CAMK2A: variants seen among roughly 807,000 people sequenced by gnomAD.
CAMK2A encodes the protein calcium/calmodulin dependent protein kinase II alpha.
A neutral mutation model predicts 79.2 loss-of-function variants in CAMK2A; 7 were observed. That is an observed-to-expected ratio of 0.09 (90% confidence interval 0.05 to 0.17). CAMK2A has a LOEUF of 0.17. Among genes scored for constraint, CAMK2A ranks in the 10% least tolerant of loss-of-function variants. CAMK2A has a pLI of 1.00. For missense variants in CAMK2A, 214 were observed against 646.4 expected (o/e 0.33, Z 7.25); for synonymous variants, 242 against 251.7 (o/e 0.96, Z 0.36).
At chr5:150,245,429 A>G in intron 12 of CAMK2A, 1 of 571,140 alleles carries the variant, frequency 1.8e-6, no homozygotes. Context: ...AGCAATCTCA[A>G]GCGTAACCCT....
chr5:150,228,272 G>A lies in CAMK2A; in HGVS notation c.1157C>T (p.Pro386Leu). The A allele has an allele frequency of 1.2e-6, 2 of 1,613,862 alleles. No individual in the cohort carries two copies. Among genetic ancestry groups the A allele is most frequent in the Non-Finnish European group, 1.7e-6 (2 of 1,179,866 alleles). The change falls in exon 17 of 19, where the codon CCT becomes CTT. Residue 386 changes from proline (P) to leucine (L), a missense_variant. Pro to Leu is a moderately conservative substitution (Grantham distance 98). Transcript: ENST00000671881. ...CTCAGGTTCGAAGGCTGTCATGCCAGGGTCGCACATCTTCCTGGGGGAAAG... is the reference window on the plus strand; with the variant it reads ...CTCAGGTTCGAAGGCTGTCATGCCAAGGTCGCACATCTTCCTGGGGGAAAG... ...DFESYTKMCD[P>L]GMTAFEPEAL...
chr5:150,255,458 G>A (rs1218702343), intron 6 of CAMK2A, among the ~76,000 whole-genome samples: 1 of 152,364 alleles, frequency 6.6e-6, no homozygotes, highest in Middle Eastern at 3.4e-3. Context: ...ATCACACTCC[G>A]GGAGGACCGT....
rs557163766 is a variant in CAMK2A, at chr5:150,238,826, G to A, written c.1018-78C>T. The A allele has an allele frequency of 1.7e-4, 222 of 1,271,376 alleles. 1 individual carries two copies. Among genetic ancestry groups the A allele is most frequent in the Non-Finnish European group, 1.7e-4 (157 of 928,440 alleles). 78.8% of individuals were successfully genotyped at this position (1,271,376 alleles called of 1,614,324 possible). ...CATGGCCAGGCCCTGGCTGCCTGGT[G>A]ACGCGGCTGGTTTCTGTGAGCCTCA... On this transcript the variant is annotated intron_variant, in intron 14 of 18. Transcript: ENST00000671881.
intron 15 of CAMK2A, among the ~76,000 whole-genome samples, chr5:150,236,904 G>A (rs955488545): frequency 6.6e-6 from 1 of 152,060 alleles, no homozygotes; most frequent in East Asian, 1.9e-4. Flanking sequence ...TAAGAGACAG[G>A]GTCTTGCTAT....
rs1050025195 is a variant in CAMK2A at position 150,287,021 on chromosome 5, G to GC, written c.62+2542dup. On this transcript the variant is annotated intron_variant, in intron 1 of 18. Transcript: ENST00000671881. ...AGCATAGCCTGCCTGGTGTCACAGA[G>GC]CTATGGGTGATGAGGGACAGCGCCT... Among the ~76,000 whole-genome samples the GC allele has an allele frequency of 3.1e-4, 47 of 152,342 alleles. 1 individual carries two copies. Among genetic ancestry groups the GC allele is most frequent in the African/African-American group, 1.1e-3 (47 of 41,590 alleles).
In CAMK2A at chr5:150,222,440, C is replaced by A; in HGVS notation, c.*270G>T. 1.4e-6 allele frequency: 1 copy of A among 694,136 alleles called. No individual in the cohort carries two copies. The highest frequency in any genetic ancestry group is 2.6e-6 in the Non-Finnish European group (1 of 380,438). 43.0% of individuals were successfully genotyped at this position (694,136 alleles called of 1,614,324 possible). A position where few individuals can be genotyped will look rare whatever the true frequency, so the allele number is the denominator to read the frequency against. On this transcript the variant is annotated 3_prime_UTR_variant, in exon 19 of 19. Transcript: ENST00000671881. ...AGCAGCTGAGGCTGGGGAGAGGGGG[C>A]CAGTGCTGTGGACACCCATGCCTGA...
At position 150,250,325 on chromosome 5, in the gene CAMK2A, G is replaced by A. The variant is rs1755776482; in HGVS notation, c.817-16C>T. 6.2e-7 allele frequency: 1 copy of A among 1,610,460 alleles called. No individual in the cohort carries two copies. The highest frequency in any genetic ancestry group is 1.7e-5 in the Admixed American group (1 of 60,002). The stretch of plus-strand genomic sequence containing the variant: ...TGGAGCGGTGCTGGAGGAAGTAGGG[G>A]AGAGGGCTGTGAGTGGAAGGCAGGC... On this transcript the variant is annotated splice_polypyrimidine_tract_variant and intron_variant, in intron 10 of 18. Coordinates refer to ENST00000671881, the MANE Select transcript of CAMK2A (RefSeq NM_015981.4).
intron 3 of CAMK2A, among the ~76,000 whole-genome samples, chr5:150,262,502 C>T (rs1362578068): frequency 2.0e-5 from 3 of 152,114 alleles, no homozygotes; most frequent in African/African-American, 7.2e-5. Flanking sequence ...TTTCCAGTCC[C>T]GCCTGCGCAT....
chr5:150,225,752 ATTATTT>A (rs753158608), intron 17 of CAMK2A, among the ~76,000 whole-genome samples: 1 of 141,152 alleles, frequency 7.1e-6, no homozygotes, highest in African/African-American at 2.5e-5. Flanking sequence ...TATTATTATT[ATTATTT>A]TTTTTAGATG....
At chr5:150,288,625 C>T (rs1293535148) in intron 1 of CAMK2A, among the ~76,000 whole-genome samples, 1 of 152,192 alleles carries the variant, frequency 6.6e-6, no homozygotes, top group Non-Finnish European at 1.5e-5. Flanking sequence ...CCTGCTGCCT[C>T]AGCAGAAACC....
intron 2 of CAMK2A, among the ~76,000 whole-genome samples, chr5:150,267,874 CTT>C (rs796333078): frequency 0.11 from 15,009 of 132,952 alleles, 766 homozygotes; most frequent in African/African-American, 0.15. Context: ...AGCCAAGGAG[CTT>C]TTTTTTTTTT....
intron 1 of CAMK2A, among the ~76,000 whole-genome samples, chr5:150,280,523 T>C (rs1757166725): frequency 6.6e-6 from 1 of 152,038 alleles, no homozygotes; most frequent in African/African-American, 2.4e-5. Flanking sequence ...ATGTCCGACA[T>C]CCGCCGCCTC....
At chr5:150,281,309 C>T (rs1562204077) in intron 1 of CAMK2A, among the ~76,000 whole-genome samples, 1 of 152,224 alleles carries the variant, frequency 6.6e-6, no homozygotes, top group Non-Finnish European at 1.5e-5. Context: ...AATCTGCATC[C>T]AAAACCCCTT....
chr5:150,263,377 CTCACACAGACAT>C (rs1318249875), intron 3 of CAMK2A, among the ~76,000 whole-genome samples: 1 of 151,304 alleles, frequency 6.6e-6, no homozygotes, highest in Non-Finnish European at 1.5e-5. Context: ...CATACATGCA[CTCACACAGACAT>C]TCACACACAC....
chr5:150,245,587 C>A (rs1436033505), intron 12 of CAMK2A, among the ~76,000 whole-genome samples: 1 of 152,220 alleles, frequency 6.6e-6, no homozygotes, highest in Admixed American at 6.5e-5. Context: ...GCTGGACACG[C>A]CCTCCCCACC....
chr5:150,231,179 GC>G, intron 16 of CAMK2A, 125 bp downstream of exon 16: 1 of 499,350 alleles, frequency 2.0e-6, no homozygotes, highest in Middle Eastern at 3.0e-4. Context: ...TATGAGTTCA[GC>G]CCGATTCACA....
intron 13 of CAMK2A, among the ~76,000 whole-genome samples, chr5:150,241,020 G>GC (rs1238723394): frequency 6.6e-6 from 1 of 152,228 alleles, no homozygotes; most frequent in Non-Finnish European, 1.5e-5. Flanking sequence ...CCTGGGCCAG[G>GC]CCCCCAGGTT....
At chr5:150,276,608 A>T (rs1023884461) in intron 1 of CAMK2A, among the ~76,000 whole-genome samples, 2 of 152,176 alleles carry the variant, frequency 1.3e-5, no homozygotes, top group African/African-American at 4.8e-5. Context: ...CAAAAGCCCT[A>T]TGAGAAAGAA....
chr5:150,283,797 A>G (rs1322069531), intron 1 of CAMK2A, among the ~76,000 whole-genome samples: 1 of 152,154 alleles, frequency 6.6e-6, no homozygotes, highest in African/African-American at 2.4e-5. Flanking sequence ...TGCTGGGCTC[A>G]ACCTAGGCCT....
Sources: allele counts gnomAD v4.1 joint callset (sites outside exome capture counted in the v4.1 genomes callset), GRCh38; gene constraint gnomAD v4.1.1; transcripts MANE v1.5; gene names NCBI Gene and HGNC (gene_info 2026-07-23, HGNC 2026-07-21).